Variants in RNF150 observed in about 807,000 individuals in gnomAD.
The protein encoded by RNF150 is ring finger protein 150.
RNF150 carries 24 observed loss-of-function variants against 39.3 expected under a neutral mutation model. The ratio of observed to expected loss-of-function variants is 0.61; its 90% CI spans 0.44 to 0.86. The LOEUF (loss-of-function observed/expected upper bound fraction) is 0.86. Ranked by LOEUF, RNF150 falls within the 40% of genes least tolerant of loss-of-function variation. The probability of loss-of-function intolerance (pLI) is 0.00; values close to 1 mark genes in which losing one functional copy is unlikely to be tolerated. For synonymous variants in RNF150, 255 were observed against 227.3 expected, an observed-to-expected ratio of 1.12 and a Z score of -1.10; for missense variants, 502 against 587.8, an observed-to-expected ratio of 0.85 and a Z score of 1.51.
At chr4:141,167,257 C>A (rs987719136) in intron 1 of RNF150, among the ~76,000 whole-genome samples, 2 of 152,004 alleles carry the variant, frequency 1.3e-5, no homozygotes, top group East Asian at 3.9e-4. Context: ...AAGACCTCTT[C>A]AAGGAAAACT....
intron 1 of RNF150, among the ~76,000 whole-genome samples, chr4:141,056,481 G>T (rs192452604): frequency 6.6e-6 from 1 of 152,182 alleles, no homozygotes; most frequent in East Asian, 1.9e-4. Context: ...GTGTGGGCTG[G>T]TGGGAGAGAT....
intron 1 of RNF150, among the ~76,000 whole-genome samples, chr4:141,079,325 CCATTAAAA>C (rs1383685705): frequency 1.3e-5 from 2 of 152,108 alleles, no homozygotes; most frequent in Non-Finnish European, 2.9e-5. Context: ...CAATAGTAGG[CCATTAAAA>C]CTCCTAAGAA....
At chr4:141,151,467 CACACACAA>C (rs1727300408) in intron 1 of RNF150, among the ~76,000 whole-genome samples, 2 of 76,806 alleles carry the variant, frequency 2.6e-5, no homozygotes, top group Non-Finnish European at 2.9e-5. Context: ...CACACAGACA[CACACACAA>C]ATTTAAGTCA....
chr4:140,882,018 A>AT (rs1458957081), intron 6 of RNF150, among the ~76,000 whole-genome samples: 2 of 151,758 alleles, frequency 1.3e-5, no homozygotes, highest in South Asian at 2.1e-4. Context: ...TTTATTTTTA[A>AT]TTTTTTTATT....
intron 1 of RNF150, among the ~76,000 whole-genome samples, chr4:141,186,213 G>T (rs1728006468): frequency 6.6e-6 from 1 of 152,102 alleles, no homozygotes; most frequent in Non-Finnish European, 1.5e-5. Flanking sequence ...TTCAGAACTT[G>T]CTACTGGTGT....
At chr4:140,956,750 A>G (rs1269571204) in intron 2 of RNF150, among the ~76,000 whole-genome samples, 1 of 152,192 alleles carries the variant, frequency 6.6e-6, no homozygotes, top group African/African-American at 2.4e-5. Flanking sequence ...AAATAACACC[A>G]CATATCTACA....
At chr4:140,999,372 T>A (rs1734492341) in intron 1 of RNF150, among the ~76,000 whole-genome samples, 1 of 152,232 alleles carries the variant, frequency 6.6e-6, no homozygotes, top group Middle Eastern at 3.2e-3. Flanking sequence ...CACATCATAA[T>A]GAAACAGCCA....
At chr4:141,058,831 T>C (rs76832535) in intron 1 of RNF150, among the ~76,000 whole-genome samples, 2 of 152,286 alleles carry the variant, frequency 1.3e-5, no homozygotes, top group East Asian at 1.9e-4. Flanking sequence ...CCCGACTAGA[T>C]AAAGTGTCTG....
chr4:141,199,371 T>TAA (rs1728253802), intron 1 of RNF150, among the ~76,000 whole-genome samples: 1 of 152,210 alleles, frequency 6.6e-6, no homozygotes, highest in South Asian at 2.1e-4. Context: ...TCCAAGAGAA[T>TAA]AAAAACTTAT....
At chr4:140,985,018 C>A (rs1733976189) in intron 1 of RNF150, among the ~76,000 whole-genome samples, 1 of 152,110 alleles carries the variant, frequency 6.6e-6, no homozygotes, top group Non-Finnish European at 1.5e-5. Context: ...TTGTCTCAGT[C>A]CTGCTTATAA....
Position 140,911,256 on chromosome 4 carries a change from C to G in RNF150, c.1086G>C (p.Val362=). ...GGTCCAAAGTGACTGAACTTTCATT[C>G]ACTGTTGTGTCGCTGGCACCTGTGA... ...NQITGASDTT[V]NESSVTLDPA... is the part of the protein sequence containing the mutation. The change falls in exon 6 of 7, where the codon GTG becomes GTC. Residue 362 remains valine, a synonymous_variant. Coordinates refer to ENST00000515673, the MANE Select transcript of RNF150 (RefSeq NM_020724.2). 1 of 1,614,146 alleles carries G rather than the reference C, an allele frequency of 6.2e-7. No individual in the cohort carries two copies. Among genetic ancestry groups the G allele is most frequent in the Non-Finnish European group, 8.5e-7 (1 of 1,180,014 alleles).
chr4:141,112,843 C>T (rs899402619), intron 1 of RNF150, among the ~76,000 whole-genome samples: 7 of 152,072 alleles, frequency 4.6e-5, no homozygotes, highest in Admixed American at 6.6e-5. Context: ...TCATTCTCCC[C>T]GTCACTTTCA....
chr4:140,994,440 T>C (rs928423212), intron 1 of RNF150, among the ~76,000 whole-genome samples: 1 of 152,104 alleles, frequency 6.6e-6, no homozygotes, highest in African/African-American at 2.4e-5. Context: ...TAAATATTGA[T>C]TGTGGGGCTG....
intron 5 of RNF150, among the ~76,000 whole-genome samples, chr4:140,921,033 G>A (rs1731105569): frequency 6.6e-6 from 1 of 151,574 alleles, no homozygotes; most frequent in African/African-American, 2.4e-5. Context: ...TCTGGGGACT[G>A]TTGTGGCGTG....
At chr4:140,905,017 C>T (rs965034762) in intron 6 of RNF150, among the ~76,000 whole-genome samples, 3 of 152,196 alleles carry the variant, frequency 2.0e-5, no homozygotes, top group South Asian at 2.1e-4. Flanking sequence ...AGACTAAACA[C>T]GAACCTCTGA....
chr4:141,198,149 C>T (rs535363239), intron 1 of RNF150, among the ~76,000 whole-genome samples: 3 of 151,462 alleles, frequency 2.0e-5, no homozygotes, highest in Non-Finnish European at 4.4e-5. Context: ...CCTCAGCCTC[C>T]TGAGTAGCTG....
intron 1 of RNF150, among the ~76,000 whole-genome samples, chr4:141,047,169 T>C (rs1032323996): frequency 5.9e-5 from 9 of 152,116 alleles, no homozygotes; most frequent in Admixed American, 5.2e-4. Flanking sequence ...TGCTTTAATA[T>C]TTCACAGCTT....
At position 140,867,963 on chromosome 4, in the gene RNF150, A is replaced by C. The variant is rs1180349552; in HGVS notation, c.*298T>G. 3.4e-6 allele frequency: 1 copy of C among 289,948 alleles called. No homozygotes were observed. The highest frequency in any genetic ancestry group is 2.2e-5 in the African/African-American group (1 of 46,270). The allele number at this position is 289,948 out of a possible 1,614,324, so 18.0% of individuals were successfully genotyped here. A position where few individuals can be genotyped will look rare whatever the true frequency, so the allele number is the denominator to read the frequency against. On this transcript the variant is annotated 3_prime_UTR_variant, in exon 7 of 7. Coordinates refer to ENST00000515673, the MANE Select transcript of RNF150 (RefSeq NM_020724.2). ...TTGAAATGAAACTAAGAAATCCTAA[A>C]GGTGGCCTTTCAGTCTCTGTTTTAG...
chr4:141,144,261 G>T (rs1479711971), intron 1 of RNF150, among the ~76,000 whole-genome samples: 2 of 152,166 alleles, frequency 1.3e-5, no homozygotes, highest in Non-Finnish European at 2.9e-5. Flanking sequence ...TTTGTGATCT[G>T]TAATTTGATA....
Sources: allele counts gnomAD v4.1 joint callset (sites outside exome capture counted in the v4.1 genomes callset), GRCh38; gene constraint gnomAD v4.1.1; transcripts MANE v1.5; gene names NCBI Gene and HGNC (gene_info 2026-07-23, HGNC 2026-07-21).